Variants in ENDOD1 observed in about 807,000 individuals in gnomAD.
ENDOD1 encodes endonuclease domain containing 1.
A neutral mutation model predicts 6.5 loss-of-function variants in ENDOD1; 9 were observed. That is an observed-to-expected ratio of 1.39 (90% CI 0.84 to 2.43). The LOEUF (loss-of-function observed/expected upper bound fraction) is 2.43, where lower values mean the gene tolerates loss of function less well. ENDOD1 is among the 30% of genes most tolerant of loss of function. The probability of loss-of-function intolerance (pLI) is 0.00; values close to 1 mark genes in which losing one functional copy is unlikely to be tolerated. For synonymous variants in ENDOD1, 255 were observed against 255.2 expected, an observed-to-expected ratio of 1.00 and a Z score of 0.01; for missense variants, 648 against 635.5, an observed-to-expected ratio of 1.02 and a Z score of -0.21.
intron 1 of ENDOD1, among the ~76,000 whole-genome samples, chr11:95,093,211 T>C (rs1555110019): frequency 6.6e-6 from 1 of 152,266 alleles, no homozygotes; most frequent in Admixed American, 6.5e-5. Flanking sequence ...GCCTAGCTCC[T>C]GTCTCCAGCT....
intron 1 of ENDOD1, among the ~76,000 whole-genome samples, chr11:95,108,526 C>A (rs1043418177): frequency 3.5e-5 from 5 of 141,124 alleles, no homozygotes; most frequent in African/African-American, 1.0e-4. Flanking sequence ...CACACACACA[C>A]AGACACCCAA....
At chr11:95,107,294 A>ACTAC (rs1232939597) in intron 1 of ENDOD1, among the ~76,000 whole-genome samples, 2 of 151,020 alleles carry the variant, frequency 1.3e-5, no homozygotes, top group Non-Finnish European at 3.0e-5. Context: ...AGATCGGGAC[A>ACTAC]CTACCCTCCA....
chr11:95,116,872 T>C (rs539839082), intron 1 of ENDOD1, among the ~76,000 whole-genome samples: 123 of 152,374 alleles, frequency 8.1e-4, no homozygotes, highest in African/African-American at 2.7e-3. Context: ...TTCAGTTTTT[T>C]TGAATGTTTT....
chr11:95,089,961 C>T lies in ENDOD1; in HGVS notation c.34C>T (p.Leu12Phe), dbSNP rs868994321. ...CGCGCGCTGGCTCGCGCTGGGCAGC[C>T]TCTTCGCCCTGGCTGGGCTGCTGGA... ...GTARWLALGS[L>F]FALAGLLEGR... Residue 12 changes from leucine (L) to phenylalanine (F), a missense_variant, in exon 1 of 2, where the codon CTC becomes TTC. Leu to Phe is a conservative substitution (Grantham distance 22, BLOSUM62 0). Transcript: ENST00000278505. The T allele has an allele frequency of 1.6e-5, 24 of 1,518,400 alleles. No individual in the cohort carries two copies. In the African/African-American group the frequency reaches 2.7e-4, roughly 17 times the overall value. 94.1% of individuals were successfully genotyped at this position (1,518,400 alleles called of 1,614,324 possible). A position where few individuals can be genotyped will look rare whatever the true frequency, so the allele number is the denominator to read the frequency against.
At chr11:95,092,836 A>G (rs957840402) in intron 1 of ENDOD1, among the ~76,000 whole-genome samples, 1 of 152,194 alleles carries the variant, frequency 6.6e-6, no homozygotes, top group African/African-American at 2.4e-5. Flanking sequence ...CTCAGGGCTC[A>G]ATGTGTACCC....
At position 95,129,120 on chromosome 11, in the gene ENDOD1, C is replaced by T; in HGVS notation, c.1044C>T (p.Tyr348=). ...PFIKLFQLIY[Y]LVVAILKNIV... is the part of the protein sequence containing the mutation. Reference sequence around the variant, plus strand: ...TCAAGCTTTTTCAATTAATTTATTACCTTGTGGTAGCAATCCTGAAGAACA... The same window carrying T: ...TCAAGCTTTTTCAATTAATTTATTATCTTGTGGTAGCAATCCTGAAGAACA... Residue 348 remains tyrosine (Y), a synonymous_variant, in exon 2 of 2, where the codon TAC becomes TAT. Coordinates refer to ENST00000278505, the MANE Select transcript of ENDOD1 (RefSeq NM_015036.3). The T allele has an allele frequency of 6.2e-7, 1 of 1,614,098 alleles. No individual in the cohort carries two copies. The highest frequency in any genetic ancestry group is 8.5e-7 in the Non-Finnish European group (1 of 1,180,002).
chr11:95,128,458 C>G lies in ENDOD1; in HGVS notation c.382C>G (p.Gln128Glu), dbSNP rs1859333583. ...CTCTGTGAACAGCCTGGGAAGCAAG[C>G]AAGCCTTGAATACAGATTACCTTGA... ...ITSVNSLGSK[Q>E]ALNTDYLDSD... Residue 128 changes from glutamine (Q) to glutamate (E), a missense_variant, in exon 2 of 2, where the codon CAA becomes GAA. Physicochemically the swap from Gln to Glu is conservative, Grantham distance 29. Coordinates refer to ENST00000278505, the MANE Select transcript of ENDOD1 (RefSeq NM_015036.3). The G allele has an allele frequency of 1.9e-6, 3 of 1,614,110 alleles. No homozygotes were observed. The Admixed American group carries it at 5.0e-5, about 27-fold the overall frequency.
chr11:95,099,451 C>T (rs1555110643), intron 1 of ENDOD1, among the ~76,000 whole-genome samples: 1 of 152,172 alleles, frequency 6.6e-6, no homozygotes, highest in Non-Finnish European at 1.5e-5. Flanking sequence ...GTGCCCAGGC[C>T]GACTACACCC....
intron 1 of ENDOD1, among the ~76,000 whole-genome samples, chr11:95,124,477 A>G (rs986768440): frequency 2.0e-5 from 3 of 152,256 alleles, no homozygotes; most frequent in African/African-American, 7.2e-5. Context: ...TTTGGAGTTC[A>G]TAAGAATATA....
intron 1 of ENDOD1, among the ~76,000 whole-genome samples, chr11:95,109,088 A>G (rs1859122288): frequency 6.6e-6 from 1 of 152,170 alleles, no homozygotes; most frequent in African/African-American, 2.4e-5. Flanking sequence ...AGCTCATTCT[A>G]TTATTTTAAC....
chr11:95,124,428 A>G (rs921205800), intron 1 of ENDOD1, among the ~76,000 whole-genome samples: 1 of 152,232 alleles, frequency 6.6e-6, no homozygotes, highest in African/African-American at 2.4e-5. Context: ...TCAATTTTAA[A>G]CACTATGTTC....
rs375472558 is a variant in ENDOD1, at chr11:95,128,586, C to T, written c.510C>T (p.Phe170=). The T allele has an allele frequency of 2.8e-5, 46 of 1,614,122 alleles. No homozygotes were observed. Among genetic ancestry groups the T allele is most frequent in the Admixed American group, 5.0e-5 (3 of 60,012 alleles). ...LTNSAPMTQS[F]QERWYVNLHS... The stretch of plus-strand genomic sequence containing the variant: ...ATTCAGCCCCAATGACTCAGTCCTT[C>T]CAGGAACGGTGGTATGTGAATCTCC... Residue 170 remains phenylalanine (F), a synonymous_variant, in exon 2 of 2, where the codon TTC becomes TTT. Transcript: ENST00000278505.
rs1187676248 is a variant in ENDOD1 at position 95,129,409 on chromosome 11, A to C, written c.1333A>C (p.Met445Leu). 1.2e-6 allele frequency: 2 copies of C among 1,614,056 alleles called. No individual in the cohort carries two copies. Among genetic ancestry groups the C allele is most frequent in the African/African-American group, 2.7e-5 (2 of 74,924 alleles). ...TGTGGCCACTTTCCCTGTGTACACC[A>C]TGGGCGCTATTCCAATTGTTTGCAA... ...VDVATFPVYTMGAIPIVCKDI... is the reference protein window; with the variant it reads ...VDVATFPVYTLGAIPIVCKDI... Residue 445 changes from methionine (M) to leucine (L), a missense_variant, in exon 2 of 2, where the codon ATG becomes CTG. Transcript: ENST00000278505.
chr11:95,126,570 C>T (rs1293034023), intron 1 of ENDOD1, among the ~76,000 whole-genome samples: 1 of 152,164 alleles, frequency 6.6e-6, no homozygotes, highest in Non-Finnish European at 1.5e-5. Context: ...CTTACATACT[C>T]GAAGGCTTTT....
intron 1 of ENDOD1, among the ~76,000 whole-genome samples, chr11:95,103,840 T>G (rs558180617): frequency 6.6e-6 from 1 of 152,368 alleles, no homozygotes; most frequent in African/African-American, 2.4e-5. Context: ...GCCTAAACAC[T>G]CGGCGCATAT....
At position 95,128,966 on chromosome 11, in the gene ENDOD1, A is replaced by C. The variant is rs1243694010; in HGVS notation, c.890A>C (p.Gln297Pro). ...NQIQDEERMVQSQKSSSPLSS... is the reference protein window; with the variant it reads ...NQIQDEERMVPSQKSSSPLSS... The stretch of plus-strand genomic sequence containing the variant: ...ATCCAGGATGAAGAACGAATGGTAC[A>C]ATCTCAAAAGAGTTCTAGTCCCCTT... Residue 297 changes from glutamine (Q) to proline (P), a missense_variant, in exon 2 of 2, where the codon CAA (glutamine) becomes CCA (proline). Gln to Pro is a moderately conservative substitution (Grantham distance 76). Coordinates refer to ENST00000278505, the MANE Select transcript of ENDOD1 (RefSeq NM_015036.3). 6.2e-7 allele frequency: 1 copy of C among 1,614,100 alleles called. No individual in the cohort carries two copies. Among genetic ancestry groups the C allele is most frequent in the Non-Finnish European group, 8.5e-7 (1 of 1,180,020 alleles).
intron 1 of ENDOD1, among the ~76,000 whole-genome samples, chr11:95,113,827 T>A (rs1185497430): frequency 2.6e-5 from 4 of 152,202 alleles, no homozygotes; most frequent in Non-Finnish European, 5.9e-5. Context: ...TATTTTAGTT[T>A]TTAGTTATGG....
At chr11:95,103,562 C>T (rs1241319547) in intron 1 of ENDOD1, among the ~76,000 whole-genome samples, 4 of 152,212 alleles carry the variant, frequency 2.6e-5, no homozygotes, top group African/African-American at 7.2e-5. Context: ...AAAGGCAGAT[C>T]ATGACCAAGA....
At chr11:95,099,230 C>G (rs1229030948) in intron 1 of ENDOD1, among the ~76,000 whole-genome samples, 1 of 152,178 alleles carries the variant, frequency 6.6e-6, no homozygotes, top group East Asian at 1.9e-4. Context: ...AATGGATCAC[C>G]CAAAAACTGT....
Sources: allele counts gnomAD v4.1 joint callset (sites outside exome capture counted in the v4.1 genomes callset), GRCh38; gene constraint gnomAD v4.1.1; transcripts MANE v1.5; gene names NCBI Gene and HGNC (gene_info 2026-07-23, HGNC 2026-07-21).